MEIS1: variants seen among roughly 807,000 people sequenced by gnomAD.
The protein encoded by MEIS1 is Meis homeobox 1.
Under a neutral mutation model 50.8 loss-of-function variants are expected in MEIS1, and 5 were observed. That is an observed-to-expected ratio of 0.10 (90% CI 0.05 to 0.21). MEIS1 has a LOEUF of 0.21. MEIS1 is among the 10% of genes least tolerant of loss of function. The pLI, the probability that MEIS1 is intolerant of heterozygous loss-of-function variation, is 1.00. For missense variants in MEIS1, 318 were observed against 517.3 expected (o/e 0.61, Z 3.74); for synonymous variants, 176 against 179.3 (o/e 0.98, Z 0.15).
At chr2:66,470,962 AT>A (rs1446894026) in intron 7 of MEIS1, among the ~76,000 whole-genome samples, 1 of 152,206 alleles carries the variant, frequency 6.6e-6, no homozygotes, top group Non-Finnish European at 1.5e-5. Flanking sequence ...AACTCAAAAA[AT>A]GAGCTTTTCA....
chr2:66,461,400 A>G (rs980313911), intron 6 of MEIS1, among the ~76,000 whole-genome samples: 1 of 152,178 alleles, frequency 6.6e-6, no homozygotes, highest in African/African-American at 2.4e-5. Flanking sequence ...AATGAACTGA[A>G]CTAAGCATAA....
At chr2:66,509,506 T>C (rs1306835868) in intron 7 of MEIS1, among the ~76,000 whole-genome samples, 1 of 152,230 alleles carries the variant, frequency 6.6e-6, no homozygotes, top group East Asian at 1.9e-4. Flanking sequence ...AAGGCTGTTT[T>C]TGGCTTGAGC....
chr2:66,436,079 T>C (rs1002345828), intron 1 of MEIS1, among the ~76,000 whole-genome samples: 1 of 152,182 alleles, frequency 6.6e-6, no homozygotes, highest in Admixed American at 6.5e-5. Flanking sequence ...TATTTATCTA[T>C]AGATTCCTAA....
At chr2:66,469,854 G>A (rs1284877521) in intron 7 of MEIS1, among the ~76,000 whole-genome samples, 1 of 151,966 alleles carries the variant, frequency 6.6e-6, no homozygotes, top group African/African-American at 2.4e-5. Context: ...GGTTCAGGAT[G>A]TAATCTGAAA....
intron 7 of MEIS1, among the ~76,000 whole-genome samples, chr2:66,498,156 T>C (rs150058504): frequency 6.3e-4 from 96 of 152,280 alleles, no homozygotes; most frequent in African/African-American, 2.2e-3. Flanking sequence ...TTCAGATTAA[T>C]GTTCCCCTGT....
intron 3 of MEIS1, chr2:66,440,329 C>T (rs929603189): frequency 3.3e-6 from 2 of 601,548 alleles, no homozygotes; most frequent in East Asian, 2.8e-5. Context: ...CCCCGAGAGC[C>T]GTAGTTGCTA....
intron 8 of MEIS1, among the ~76,000 whole-genome samples, chr2:66,536,081 G>T (rs147099389): frequency 4.2e-4 from 64 of 152,244 alleles, no homozygotes; most frequent in Middle Eastern, 3.4e-3. Context: ...AATTCTGATT[G>T]TTTCTTTTGC....
intron 9 of MEIS1, among the ~76,000 whole-genome samples, chr2:66,554,488 T>C (rs1314306102): frequency 6.6e-6 from 1 of 152,174 alleles, no homozygotes; most frequent in Non-Finnish European, 1.5e-5. Context: ...CATAGGTGGC[T>C]AAGGTGTAAG....
chr2:66,517,594 T>C (rs1219894767), intron 8 of MEIS1, among the ~76,000 whole-genome samples: 1 of 152,194 alleles, frequency 6.6e-6, no homozygotes, highest in African/African-American at 2.4e-5. Context: ...AAATCCTTTA[T>C]CTGAGTTTTA....
At chr2:66,492,902 G>A (rs536415749) in intron 7 of MEIS1, among the ~76,000 whole-genome samples, 10 of 152,264 alleles carry the variant, frequency 6.6e-5, no homozygotes, top group Admixed American at 5.2e-4. Flanking sequence ...CACATCTGGG[G>A]CCTGTTACTG....
intron 7 of MEIS1, among the ~76,000 whole-genome samples, chr2:66,510,844 T>C (rs1004307711): frequency 2.6e-5 from 4 of 152,240 alleles, no homozygotes; most frequent in Non-Finnish European, 4.4e-5. Context: ...ATTATTTTTT[T>C]ATGTAGGACC....
At chr2:66,443,357 A>G in intron 6 of MEIS1, 1 of 286,904 alleles carries the variant, frequency 3.5e-6, no homozygotes, top group Non-Finnish European at 6.3e-6. Flanking sequence ...ACTGCCAGTG[A>G]CCGCCTCTGA....
intron 9 of MEIS1, among the ~76,000 whole-genome samples, chr2:66,554,074 G>A (rs1293558163): frequency 1.3e-5 from 2 of 152,216 alleles, no homozygotes; most frequent in Non-Finnish European, 2.9e-5. Context: ...CTAGCTGGAA[G>A]CTGCAATCCA....
intron 6 of MEIS1, among the ~76,000 whole-genome samples, chr2:66,448,645 CAT>C (rs1158361679): frequency 1.3e-5 from 2 of 152,076 alleles, no homozygotes; most frequent in Non-Finnish European, 2.9e-5. Flanking sequence ...TCTTATGAAA[CAT>C]AAATATGTCA....
At chr2:66,489,889 A>T (rs1316066807) in intron 7 of MEIS1, among the ~76,000 whole-genome samples, 1 of 152,232 alleles carries the variant, frequency 6.6e-6, no homozygotes, top group Non-Finnish European at 1.5e-5. Flanking sequence ...TGACAGAATT[A>T]GTTTTGGTTT....
At position 66,567,505 on chromosome 2, in the gene MEIS1, C is replaced by A; in HGVS notation, c.1018C>A (p.Arg340=). 6.2e-7 allele frequency: 1 copy of A among 1,613,828 alleles called. No homozygotes were observed. Residue 340 remains arginine (R), a synonymous_variant, in exon 10 of 13, where the codon CGA becomes AGA. Coordinates refer to ENST00000272369, the MANE Select transcript of MEIS1 (RefSeq NM_002398.3). ...IVQPMIDQSN[R]AVSQGTPYNP... is the part of the protein sequence containing the mutation. The stretch of plus-strand genomic sequence containing the variant: ...GCAGCCCATGATAGACCAGTCCAAC[C>A]GAGCAGGCAAGTCCCCCATAGTGAC...
chr2:66,451,338 A>G (rs1343051182), intron 6 of MEIS1, among the ~76,000 whole-genome samples: 2 of 152,100 alleles, frequency 1.3e-5, no homozygotes, highest in Admixed American at 6.6e-5. Flanking sequence ...ATCACATCCC[A>G]TAGAAACTCT....
chr2:66,523,278 A>G (rs1409646920), intron 8 of MEIS1, among the ~76,000 whole-genome samples: 1 of 152,260 alleles, frequency 6.6e-6, no homozygotes, highest in East Asian at 1.9e-4. Flanking sequence ...CATAGACTTC[A>G]GGACAGAATG....
intron 9 of MEIS1, among the ~76,000 whole-genome samples, chr2:66,551,496 A>T (rs751813992): frequency 2.8e-4 from 43 of 152,196 alleles, no homozygotes; most frequent in Non-Finnish European, 5.7e-4. Flanking sequence ...GGTTGGCATC[A>T]GTACTTACAG....
Sources: allele counts gnomAD v4.1 joint callset (sites outside exome capture counted in the v4.1 genomes callset), GRCh38; gene constraint gnomAD v4.1.1; transcripts MANE v1.5; gene names NCBI Gene and HGNC (gene_info 2026-07-23, HGNC 2026-07-21).